Variants in CLASP2 observed in about 807,000 individuals in gnomAD.
The protein encoded by CLASP2 is cytoplasmic linker associated protein 2.
In CLASP2, 47 loss-of-function variants were observed where a neutral mutation model predicts 194.4. That is an observed-to-expected ratio of 0.24 (90% confidence interval 0.19 to 0.31). The LOEUF is 0.31. CLASP2 is among the 10% of genes least tolerant of loss of function. The pLI, the probability that CLASP2 is intolerant of heterozygous loss-of-function variation, is 1.00. For missense variants in CLASP2, 1,445 were observed against 1,823.6 expected (o/e 0.79, Z 3.78); for synonymous variants, 619 against 633.5 (o/e 0.98, Z 0.34).
intron 27 of CLASP2, among the ~76,000 whole-genome samples, chr3:33,564,263 G>T (rs1436889569): frequency 2.0e-5 from 3 of 152,078 alleles, no homozygotes; most frequent in African/African-American, 7.2e-5. Context: ...CCCTCTAATT[G>T]GTAGCCAACC....
intron 32 of CLASP2, among the ~76,000 whole-genome samples, chr3:33,539,506 T>C (rs1375188650): frequency 1.3e-5 from 2 of 152,056 alleles, no homozygotes; most frequent in African/African-American, 4.8e-5. Context: ...GGCTAATTTT[T>C]GTATTTTTAG....
chr3:33,656,701 TA>T (rs1240864824), intron 7 of CLASP2, among the ~76,000 whole-genome samples: 2 of 152,180 alleles, frequency 1.3e-5, no homozygotes, highest in Non-Finnish European at 2.9e-5. Context: ...CAGAACCATT[TA>T]GAAAAATTAT....
Position 33,602,391 on chromosome 3 carries a change from A to T in CLASP2, c.1924+561T>A, listed in dbSNP as rs2072499630. 3 of 630,020 alleles carry T rather than the reference A, an allele frequency of 4.8e-6. No individual in the cohort carries two copies. In the Admixed American group the frequency reaches 7.8e-5, roughly 16 times the overall value. The allele number at this position is 630,020 out of a possible 1,614,324, so 39.0% of individuals were successfully genotyped here. ...TTGTGTTCTGGCGATCTGCCTGCTT[A>T]GTGTTCCAGCAGTACTACCCAAAAG... On this transcript the variant is annotated intron_variant, in intron 18 of 38. Transcript: ENST00000682230.
At chr3:33,658,969 C>A in intron 7 of CLASP2, 1 of 1,534,304 alleles carries the variant, frequency 6.5e-7, no homozygotes, top group Non-Finnish European at 8.7e-7. Flanking sequence ...ATAAATCTTA[C>A]TCACCATCTC....
At chr3:33,638,298 TTTTATTTTTATTTA>T (rs2080573697) in intron 8 of CLASP2, among the ~76,000 whole-genome samples, 1 of 152,076 alleles carries the variant, frequency 6.6e-6, no homozygotes, top group South Asian at 2.1e-4. Context: ...CTTTTTATTT[TTTTATTTTTATTTA>T]TTTATTTTTT....
Position 33,498,651 on chromosome 3 carries a change from C to G in CLASP2, c.4501G>C (p.Asp1501His). The G allele has an allele frequency of 1.2e-6, 2 of 1,612,614 alleles. No individual in the cohort carries two copies. Among genetic ancestry groups the G allele is most frequent in the Non-Finnish European group, 1.7e-6 (2 of 1,178,872 alleles). Residue 1501 changes from aspartate (D) to histidine (H), a missense_variant, in exon 39 of 39, where the codon GAT becomes CAT. By Grantham distance (81) the Asp-to-His change is moderately conservative. Around this residue, in one of 4 missense-constraint regions of CLASP2, gnomAD observed 732 missense variants for 987.9 expected, o/e 0.74. Transcript: ENST00000682230. ...CTTCACTAACTTTGTCCAGAAACAT[C>G]AGTAGTGGGATCAGCTCCTCCAGAA... ...TGSGGADPTT[D>H]VSGQS
At chr3:33,557,542 C>T (rs1287766456) in intron 29 of CLASP2, among the ~76,000 whole-genome samples, 2 of 151,998 alleles carry the variant, frequency 1.3e-5, no homozygotes, top group African/African-American at 4.8e-5. Flanking sequence ...TAGTTAACTC[C>T]ACATACATTT....
chr3:33,541,205 AG>A (rs1349615040), intron 32 of CLASP2, among the ~76,000 whole-genome samples: 1 of 152,198 alleles, frequency 6.6e-6, no homozygotes, highest in African/African-American at 2.4e-5. Context: ...TGTGCACTGT[AG>A]CACTATTCAC....
In CLASP2 at chr3:33,571,015, A is replaced by ATTTTTTTTTTTTTTTTTTT. The variant is rs1027731514; in HGVS notation, c.2700-226_2700-225insAAAAAAAAAAAAAAAAAAA. On this transcript the variant is annotated intron_variant, in intron 25 of 38. Coordinates refer to ENST00000682230, the MANE Select transcript of CLASP2 (RefSeq NM_001365631.1). ...AGATGGCAAGATCCTGTCTCTATAA[A>ATTTTTTTTTTTTTTTTTTT]TTTTTTTTTTTTTTTTTTGAGACGG... is the stretch of plus-strand genomic sequence containing the variant. 2.5e-3 allele frequency among the ~76,000 whole-genome samples: 304 copies of ATTTTTTTTTTTTTTTTTTT among 123,872 alleles called. 22 individuals carry two copies. Among genetic ancestry groups the ATTTTTTTTTTTTTTTTTTT allele is most frequent in the South Asian group, 6.4e-3 (24 of 3,766 alleles). The allele number at this position is 123,872 out of a possible 152,430, so 81.3% of individuals were successfully genotyped here. A position where few individuals can be genotyped will look rare whatever the true frequency, so the allele number is the denominator to read the frequency against.
At chr3:33,645,975 C>CACAA (rs3221480) in intron 7 of CLASP2, among the ~76,000 whole-genome samples, 4 of 136,616 alleles carry the variant, frequency 2.9e-5, no homozygotes, top group African/African-American at 1.1e-4. Flanking sequence ...CACACACACA[C>CACAA]AATGTATTTT....
At chr3:33,662,341 G>C (rs2085438824) in intron 7 of CLASP2, among the ~76,000 whole-genome samples, 1 of 152,140 alleles carries the variant, frequency 6.6e-6, no homozygotes, top group African/African-American at 2.4e-5. Flanking sequence ...CAAGCATCTT[G>C]TCAAATCTCT....
At chr3:33,697,708 T>A (rs142494885) in intron 1 of CLASP2, among the ~76,000 whole-genome samples, 113 of 152,270 alleles carry the variant, frequency 7.4e-4, no homozygotes, top group African/African-American at 2.6e-3. Flanking sequence ...AGAATATCCC[T>A]CTCATTCTAA....
intron 31 of CLASP2, among the ~76,000 whole-genome samples, chr3:33,544,043 T>C (rs555206474): frequency 6.6e-6 from 1 of 152,332 alleles, no homozygotes; most frequent in African/African-American, 2.4e-5. Flanking sequence ...GACTTTACCT[T>C]AAGCCTGCCA....
chr3:33,591,100 CAG>C (rs1381325819), intron 21 of CLASP2, among the ~76,000 whole-genome samples: 1 of 152,054 alleles, frequency 6.6e-6, no homozygotes, highest in Non-Finnish European at 1.5e-5. Context: ...CCCTTGAGCC[CAG>C]GAGTTCCTGG....
Position 33,587,502 on chromosome 3 carries a change from T to A in CLASP2, c.2069-2582A>T, listed in dbSNP as rs141430275. On this transcript the variant is annotated intron_variant, in intron 21 of 38. Coordinates refer to ENST00000682230, the MANE Select transcript of CLASP2 (RefSeq NM_001365631.1). ...ATATTAATGCTTAATTCTTAAACTT[T>A]ACCAGCATACAAAATGAAACTTATT... is the stretch of plus-strand genomic sequence containing the variant. Among the ~76,000 whole-genome samples the A allele has an allele frequency of 4.9e-4, 75 of 152,340 alleles. 1 individual carries two copies. In the East Asian group the frequency reaches 9.6e-3, roughly 20 times the overall value.
At position 33,646,004 on chromosome 3, in the gene CLASP2, G is replaced by GAA. The variant is rs545846778; in HGVS notation, c.716-1102_716-1101insTT. Among the ~76,000 whole-genome samples the GAA allele has an allele frequency of 1.8e-4, 27 of 150,014 alleles. No homozygotes were observed. In the East Asian group the frequency reaches 4.1e-3, roughly 23 times the overall value. On this transcript the variant is annotated intron_variant, in intron 7 of 38. Coordinates refer to ENST00000682230, the MANE Select transcript of CLASP2 (RefSeq NM_001365631.1). ...GTATTTTACTCTCCTGAGAAGAGAT[G>GAA]GTTTTCTCTAGGACCCTGCACAAAT...
chr3:33,515,536 G>C (rs757461953), intron 36 of CLASP2, among the ~76,000 whole-genome samples: 12 of 152,300 alleles, frequency 7.9e-5, no homozygotes, highest in Admixed American at 2.6e-4. Flanking sequence ...TGCAGTCCCA[G>C]CTACTCGGGA....
chr3:33,586,449 A>G (rs1160548372), intron 21 of CLASP2, among the ~76,000 whole-genome samples: 1 of 152,094 alleles, frequency 6.6e-6, no homozygotes, highest in Admixed American at 6.6e-5. Flanking sequence ...CAAATGAGTA[A>G]TTTTCAGTTT....
intron 25 of CLASP2, among the ~76,000 whole-genome samples, chr3:33,571,015 A>AATTTTTTTTTTTTTTTTTTTT: frequency 8.1e-6 from 1 of 123,928 alleles, no homozygotes; most frequent in Non-Finnish European, 1.7e-5. Flanking sequence ...GTCTCTATAA[A>AATTTTTTTTTTTTTTTTTTTT]TTTTTTTTTT....
Sources: gnomAD v4.1 joint callset for allele counts (sites outside exome capture counted in the v4.1 genomes callset) on GRCh38, gnomAD v4.1.1 for gene constraint, gnomAD v4.1.1 regional missense constraint, MANE v1.5 for transcripts, NCBI Gene and HGNC (gene_info 2026-07-23, HGNC 2026-07-21) for gene names.